Variants in MACROD2 observed in about 807,000 individuals in gnomAD.
The protein encoded by MACROD2 is mono-ADP ribosylhydrolase 2, also known as ADP-ribose glycohydrolase MACROD2.
MACROD2 carries 36 observed loss-of-function variants against 70.4 expected under a neutral mutation model. The ratio of observed to expected loss-of-function variants is 0.51; its 90% CI spans 0.39 to 0.68. The LOEUF is 0.68. MACROD2 is among the 30% of genes least tolerant of loss of function. MACROD2 has a pLI of 0.00. For missense variants in MACROD2, 496 were observed against 538.4 expected (o/e 0.92, Z 0.78); for synonymous variants, 172 against 178.8 (o/e 0.96, Z 0.30).
intron 4 of MACROD2, among the ~76,000 whole-genome samples, chr20:14,635,400 A>C (rs1367492165): frequency 1.3e-5 from 2 of 152,182 alleles, no homozygotes; most frequent in East Asian, 3.9e-4. Context: ...TCCATTTTCC[A>C]ACTTTCCAAA....
At chr20:14,362,083 A>G (rs544862126) in intron 3 of MACROD2, among the ~76,000 whole-genome samples, 6 of 152,330 alleles carry the variant, frequency 3.9e-5, no homozygotes, top group Middle Eastern at 3.4e-3. Flanking sequence ...GTAATGTCCA[A>G]TAGAATCCCT....
intron 5 of MACROD2, among the ~76,000 whole-genome samples, chr20:14,949,407 T>C (rs1174634759): frequency 2.6e-5 from 4 of 152,126 alleles, no homozygotes; most frequent in African/African-American, 9.7e-5. Flanking sequence ...ATTCTCCCCT[T>C]CAGAGGCAGG....
chr20:15,873,653 T>A (rs1276048922), intron 9 of MACROD2, among the ~76,000 whole-genome samples: 2 of 150,812 alleles, frequency 1.3e-5, no homozygotes, highest in Non-Finnish European at 3.0e-5. Flanking sequence ...TGAGAAAAGG[T>A]AGAAAGATAA....
chr20:15,941,213 C>T (rs1462960667), intron 12 of MACROD2, among the ~76,000 whole-genome samples: 2 of 152,014 alleles, frequency 1.3e-5, no homozygotes, highest in African/African-American at 2.4e-5. Flanking sequence ...CTATGTAAGA[C>T]TAAATGTGAA....
intron 6 of MACROD2, among the ~76,000 whole-genome samples, chr20:15,264,292 G>A (rs1208870830): frequency 6.6e-6 from 1 of 152,156 alleles, no homozygotes; most frequent in Non-Finnish European, 1.5e-5. Flanking sequence ...ATATTTGACA[G>A]TTCTTAATCT....
chr20:14,574,086 C>T (rs1445481628), intron 4 of MACROD2, among the ~76,000 whole-genome samples: 1 of 152,192 alleles, frequency 6.6e-6, no homozygotes, highest in Non-Finnish European at 1.5e-5. Flanking sequence ...TAGAGATAAT[C>T]AAGAACGACA....
At chr20:15,454,989 G>A (rs76148252) in intron 7 of MACROD2, among the ~76,000 whole-genome samples, 2,710 of 152,202 alleles carry the variant, frequency 0.018, 49 homozygotes, top group South Asian at 0.054. Flanking sequence ...CCATCTGTGT[G>A]ATAAACATTT....
intron 8 of MACROD2, among the ~76,000 whole-genome samples, chr20:15,521,640 A>G (rs980831785): frequency 2.6e-5 from 4 of 152,192 alleles, no homozygotes; most frequent in African/African-American, 9.7e-5. Flanking sequence ...TATGGCACAC[A>G]TTTACTTTCT....
At chr20:15,649,070 C>T (rs1313292549) in intron 8 of MACROD2, among the ~76,000 whole-genome samples, 3 of 95,356 alleles carry the variant, frequency 3.1e-5, no homozygotes, top group Non-Finnish European at 4.3e-5. Flanking sequence ...CTTTTCTCCT[C>T]CCCTCCCCTT....
At chr20:14,910,540 G>A (rs1377569111) in intron 5 of MACROD2, among the ~76,000 whole-genome samples, 4 of 152,202 alleles carry the variant, frequency 2.6e-5, no homozygotes, top group African/African-American at 4.8e-5. Context: ...TTGAGAGCCC[G>A]AGAAGGGGCT....
chr20:15,086,907 T>G (rs2075753067), intron 5 of MACROD2, among the ~76,000 whole-genome samples: 1 of 152,126 alleles, frequency 6.6e-6, no homozygotes, highest in Admixed American at 6.6e-5. Context: ...TTAGGCCCTT[T>G]AAGATTAGCA....
intron 4 of MACROD2, among the ~76,000 whole-genome samples, chr20:14,568,227 A>T (rs1265077652): frequency 6.6e-6 from 1 of 152,202 alleles, no homozygotes; most frequent in East Asian, 1.9e-4. Flanking sequence ...GAAATAGATG[A>T]CTACTTAAGA....
At chr20:14,423,858 G>A (rs2122903761) in intron 3 of MACROD2, among the ~76,000 whole-genome samples, 1 of 145,908 alleles carries the variant, frequency 6.9e-6, no homozygotes, top group African/African-American at 2.5e-5. Flanking sequence ...CGCCTCCTGG[G>A]TTCAAGAGAT....
At chr20:15,845,677 G>C (rs2064223331) in intron 8 of MACROD2, among the ~76,000 whole-genome samples, 1 of 152,006 alleles carries the variant, frequency 6.6e-6, no homozygotes, top group African/African-American at 2.4e-5. Context: ...TCCAATAATA[G>C]TTTTGCATGC....
chr20:15,822,635 A>G (rs1244918700), intron 8 of MACROD2, among the ~76,000 whole-genome samples: 2 of 151,720 alleles, frequency 1.3e-5, no homozygotes, highest in African/African-American at 4.9e-5. Flanking sequence ...CATTATTGAA[A>G]TAACTTTAAT....
At chr20:14,263,583 A>G (rs2082118307) in intron 3 of MACROD2, among the ~76,000 whole-genome samples, 1 of 152,134 alleles carries the variant, frequency 6.6e-6, no homozygotes, top group African/African-American at 2.4e-5. Flanking sequence ...CAGAGCCAGG[A>G]AAAAGAACAA....
chr20:15,042,975 G>T (rs569696894), intron 5 of MACROD2, among the ~76,000 whole-genome samples: 1 of 152,232 alleles, frequency 6.6e-6, no homozygotes, highest in African/African-American at 2.4e-5. Context: ...TTCCCTTCCT[G>T]GGGTTGTATC....
intron 3 of MACROD2, among the ~76,000 whole-genome samples, chr20:14,309,983 A>G (rs1601460193): frequency 1.3e-5 from 2 of 152,180 alleles, no homozygotes; most frequent in Middle Eastern, 3.4e-3. Flanking sequence ...CAGTTTTAGA[A>G]GTTTCAGCAT....
intron 8 of MACROD2, among the ~76,000 whole-genome samples, chr20:15,790,506 G>C (rs1048382643): frequency 1.3e-5 from 2 of 151,894 alleles, no homozygotes; most frequent in African/African-American, 4.8e-5. Flanking sequence ...CAACATAATT[G>C]AGAAGAGAAA....
Sources: allele counts gnomAD v4.1 joint callset (sites outside exome capture counted in the v4.1 genomes callset), GRCh38; gene constraint gnomAD v4.1.1; transcripts MANE v1.5; gene names NCBI Gene and HGNC (gene_info 2026-07-23, HGNC 2026-07-21).